MCTP1: variants seen among roughly 807,000 people sequenced by gnomAD.
MCTP1 encodes the protein multiple C2 and transmembrane domain-containing protein 1.
A neutral mutation model predicts 120.6 loss-of-function variants in MCTP1; 69 were observed. That is an observed-to-expected ratio of 0.57 (90% confidence interval 0.47 to 0.70). MCTP1 has a LOEUF of 0.70. Among genes scored for constraint, MCTP1 ranks in the 30% least tolerant of loss-of-function variants. The probability of loss-of-function intolerance (pLI) is 0.00; values close to 1 mark genes in which losing one functional copy is unlikely to be tolerated. For synonymous variants in MCTP1, 529 were observed against 493.1 expected (o/e 1.07, Z -0.96); for missense variants, 1,203 against 1,248.8 (o/e 0.96, Z 0.55).
chr5:95,237,401 G>A (rs1755668214), intron 1 of MCTP1, among the ~76,000 whole-genome samples: 1 of 152,166 alleles, frequency 6.6e-6, no homozygotes, highest in African/African-American at 2.4e-5. Flanking sequence ...TAGACCACTA[G>A]GGACATGCGG....
intron 1 of MCTP1, among the ~76,000 whole-genome samples, chr5:95,085,272 A>G (rs1181553420): frequency 6.6e-6 from 1 of 152,150 alleles, no homozygotes; most frequent in East Asian, 1.9e-4. Flanking sequence ...TATATCTTTT[A>G]TAATACTTTT....
chr5:94,950,498 A>G (rs534377739), intron 3 of MCTP1, among the ~76,000 whole-genome samples: 1 of 152,202 alleles, frequency 6.6e-6, no homozygotes, highest in African/African-American at 2.4e-5. Context: ...TTTACAGTTT[A>G]TGTACATTTA....
intron 20 of MCTP1, among the ~76,000 whole-genome samples, chr5:94,711,190 G>A (rs1756843132): frequency 6.6e-6 from 1 of 152,004 alleles, no homozygotes; most frequent in African/African-American, 2.4e-5. Flanking sequence ...TGCTACTTGG[G>A]TGACTCCCCA....
chr5:95,186,190 A>G (rs932511699), intron 1 of MCTP1, among the ~76,000 whole-genome samples: 4 of 151,974 alleles, frequency 2.6e-5, no homozygotes, highest in African/African-American at 9.7e-5. Flanking sequence ...TCAGACTGGG[A>G]AAGAAGAAGT....
chr5:94,942,472 AT>A (rs1817954892), intron 3 of MCTP1, 45 bp from the exon 4 acceptor site: 1 of 1,351,850 alleles, frequency 7.4e-7, no homozygotes, highest in African/African-American at 1.4e-5. Context: ...TATCTCCAAT[AT>A]AAGCTTTATG....
intron 1 of MCTP1, among the ~76,000 whole-genome samples, chr5:95,050,570 T>A (rs147764506): frequency 6.6e-6 from 1 of 152,298 alleles, no homozygotes; most frequent in Non-Finnish European, 1.5e-5. Context: ...ATAATGCAAT[T>A]TTAACCCAGG....
intron 18 of MCTP1, among the ~76,000 whole-genome samples, chr5:94,798,103 A>T (rs1046216740): frequency 6.6e-5 from 1 of 15,178 alleles, no homozygotes; most frequent in Non-Finnish European, 3.2e-4. Context: ...CTTGATGGTA[A>T]AAAAAAAAAA....
At chr5:95,058,712 T>C (rs895576342) in intron 1 of MCTP1, among the ~76,000 whole-genome samples, 3 of 151,932 alleles carry the variant, frequency 2.0e-5, no homozygotes, top group Admixed American at 1.3e-4. Flanking sequence ...GAATTTTCTC[T>C]TCCCTTCCTG....
chr5:95,187,727 G>A lies in MCTP1; in HGVS notation c.720+96129C>T, dbSNP rs1749375891. Among the ~76,000 whole-genome samples the A allele has an allele frequency of 2.0e-5, 3 of 152,042 alleles. No individual in the cohort carries two copies. The East Asian group carries it at 5.8e-4, about 29-fold the overall frequency. On this transcript the variant is annotated intron_variant, in intron 1 of 22. Coordinates refer to ENST00000515393, the MANE Select transcript of MCTP1 (RefSeq NM_024717.7). ...CCCATCTTTTTGGTAAGGGATTGGGGGTAGGGGGAAGGGTAAGAAGCAGGT... is the reference window on the plus strand; with the variant it reads ...CCCATCTTTTTGGTAAGGGATTGGGAGTAGGGGGAAGGGTAAGAAGCAGGT...
chr5:94,970,044 T>G (rs1470515477), intron 2 of MCTP1, among the ~76,000 whole-genome samples: 1 of 152,058 alleles, frequency 6.6e-6, no homozygotes, highest in Non-Finnish European at 1.5e-5. Flanking sequence ...ATAATGAACA[T>G]GAATATTCCA....
chr5:95,105,063 T>C lies in MCTP1; in HGVS notation c.721-87579A>G, dbSNP rs370762464. ...AACAAGTTTCCTAAAAGTAGGCCTA[T>C]AACAATCCATAGCATGCTGTATATA... is the stretch of plus-strand genomic sequence containing the variant. On this transcript the variant is annotated intron_variant, in intron 1 of 22. Coordinates refer to ENST00000515393, the MANE Select transcript of MCTP1 (RefSeq NM_024717.7). Among the ~76,000 whole-genome samples the C allele has an allele frequency of 2.0e-5, 3 of 152,180 alleles. No individual in the cohort carries two copies. The East Asian group carries it at 5.8e-4, about 29-fold the overall frequency.
intron 19 of MCTP1, among the ~76,000 whole-genome samples, chr5:94,743,158 A>G (rs1765926373): frequency 6.6e-6 from 1 of 151,842 alleles, no homozygotes; most frequent in East Asian, 1.9e-4. Context: ...AAAAAAAAAA[A>G]AATCTGGGGG....
intron 1 of MCTP1, among the ~76,000 whole-genome samples, chr5:95,277,529 T>A (rs1394516757): frequency 6.6e-6 from 1 of 152,210 alleles, no homozygotes; most frequent in Non-Finnish European, 1.5e-5. Context: ...CACCCATTCA[T>A]CCCTTCATTC....
chr5:94,992,345 T>G (rs904947466), intron 2 of MCTP1, among the ~76,000 whole-genome samples: 6 of 152,166 alleles, frequency 3.9e-5, no homozygotes, highest in African/African-American at 1.4e-4. Flanking sequence ...GAGGACTTAC[T>G]TTATGCCTTT....
chr5:95,017,864 C>T (rs1457059146), intron 1 of MCTP1, among the ~76,000 whole-genome samples: 1 of 152,036 alleles, frequency 6.6e-6, no homozygotes, highest in East Asian at 1.9e-4. Context: ...TTGAGTTCTA[C>T]CTAACTGGAA....
chr5:95,047,369 C>T (rs1409271676), intron 1 of MCTP1, among the ~76,000 whole-genome samples: 1 of 152,086 alleles, frequency 6.6e-6, no homozygotes, highest in Admixed American at 6.6e-5. Flanking sequence ...CTGAATGTTT[C>T]TCATGGCCAA....
At position 95,152,605 on chromosome 5, in the gene MCTP1, G is replaced by A. The variant is rs543834360; in HGVS notation, c.720+131251C>T. Among the ~76,000 whole-genome samples, 171 of 152,236 alleles carry A rather than the reference G, an allele frequency of 1.1e-3. 1 individual carries two copies. The highest frequency in any genetic ancestry group is 3.4e-3 in the Admixed American group (52 of 15,298). The stretch of plus-strand genomic sequence containing the variant: ...TTTAGCTTCATTAACGAGGGTTATC[G>A]TTAAATTTGATTCCTTTGTTTTGTT... On this transcript the variant is annotated intron_variant, in intron 1 of 22. Coordinates refer to ENST00000515393, the MANE Select transcript of MCTP1 (RefSeq NM_024717.7).
At chr5:94,857,172 T>C (rs889087242) in intron 17 of MCTP1, among the ~76,000 whole-genome samples, 6 of 151,718 alleles carry the variant, frequency 4.0e-5, no homozygotes, top group Non-Finnish European at 7.4e-5. Context: ...TACAATAGTA[T>C]AGCTTTAACT....
intron 1 of MCTP1, among the ~76,000 whole-genome samples, chr5:95,145,288 C>A (rs1760288974): frequency 6.6e-6 from 1 of 152,030 alleles, no homozygotes; most frequent in African/African-American, 2.4e-5. Context: ...GCTCCAGGAA[C>A]ATTTTGGTGC....
Sources: gnomAD v4.1 joint callset for allele counts (sites outside exome capture counted in the v4.1 genomes callset) on GRCh38, gnomAD v4.1.1 for gene constraint, MANE v1.5 for transcripts, NCBI Gene and HGNC (gene_info 2026-07-23, HGNC 2026-07-21) for gene names.